IMMP2L: variants seen among roughly 807,000 people sequenced by gnomAD.
The protein encoded by IMMP2L is inner mitochondrial membrane peptidase subunit 2.
In IMMP2L, 18 loss-of-function variants were observed where a neutral mutation model predicts 19.3. The ratio of observed to expected loss-of-function variants is 0.93; its 90% confidence interval spans 0.64 to 1.38. The LOEUF is 1.38. Ranked by LOEUF, IMMP2L falls within the 40% of genes most tolerant of loss-of-function variation. The pLI, the probability that IMMP2L is intolerant of heterozygous loss-of-function variation, is 0.00. For synonymous variants in IMMP2L, 76 were observed against 73.0 expected, an observed-to-expected ratio of 1.04 and a Z score of -0.21; for missense variants, 233 against 218.2, an observed-to-expected ratio of 1.07 and a Z score of -0.43.
chr7:111,463,170 A>C (rs1840292021), intron 3 of IMMP2L, among the ~76,000 whole-genome samples: 1 of 150,552 alleles, frequency 6.6e-6, no homozygotes, highest in Non-Finnish European at 1.5e-5. Flanking sequence ...TCTTCACATC[A>C]TCTTCCGTGT....
intron 3 of IMMP2L, among the ~76,000 whole-genome samples, chr7:111,076,438 TG>T (rs1298130609): frequency 6.6e-6 from 1 of 152,048 alleles, no homozygotes; most frequent in Admixed American, 6.5e-5. Flanking sequence ...GGGGATTTTT[TG>T]TTTTTTGGCC....
At chr7:110,963,041 C>T in intron 4 of IMMP2L, 7 of 1,526,270 alleles carry the variant, frequency 4.6e-6, no homozygotes, top group Non-Finnish European at 6.1e-6. Context: ...TCATTCTTGT[C>T]ACTGATTCGG....
chr7:110,999,386 G>A (rs2129560957), intron 3 of IMMP2L, among the ~76,000 whole-genome samples: 1 of 135,302 alleles, frequency 7.4e-6, no homozygotes. Context: ...ATGCTTTATA[G>A]CTTTTCTCCC....
chr7:111,387,898 A>C (rs1831929494), intron 3 of IMMP2L, among the ~76,000 whole-genome samples: 1 of 149,368 alleles, frequency 6.7e-6, no homozygotes, highest in African/African-American at 2.5e-5. Flanking sequence ...ATCACCTGAA[A>C]CCAGGAGGCA....
intron 3 of IMMP2L, among the ~76,000 whole-genome samples, chr7:111,316,673 C>A (rs1824116324): frequency 6.6e-6 from 1 of 151,640 alleles, no homozygotes; most frequent in Non-Finnish European, 1.5e-5. Flanking sequence ...AAGTAATATG[C>A]AAGGACATCC....
At position 110,843,651 on chromosome 7, in the gene IMMP2L, A is replaced by G. The variant is rs536242089; in HGVS notation, c.408+42942T>C. On this transcript the variant is annotated intron_variant, in intron 5 of 5. Coordinates refer to ENST00000405709, the MANE Select transcript of IMMP2L (RefSeq NM_032549.4). ...AACAGGATGGACATTAAGCAGAGAT[A>G]ACACAGATAAATGTAAATTACACAT... is the stretch of plus-strand genomic sequence containing the variant. Among the ~76,000 whole-genome samples, 329 of 151,262 alleles carry G rather than the reference A, an allele frequency of 2.2e-3. 2 individuals carry two copies. The highest frequency in any genetic ancestry group is 7.8e-3 in the African/African-American group (318 of 40,576).
chr7:110,760,316 T>A lies in IMMP2L; in HGVS notation c.409-96595A>T, dbSNP rs1341311022. 2.0e-5 allele frequency among the ~76,000 whole-genome samples: 3 copies of A among 152,130 alleles called. No homozygotes were observed. Among genetic ancestry groups the A allele is most frequent in the Non-Finnish European group, 2.9e-5 (2 of 68,022 alleles). On this transcript the variant is annotated intron_variant, in intron 5 of 5. Transcript: ENST00000405709. The surrounding 1 kb of genome is among the most constrained non-coding windows in gnomAD (Gnocchi z 4.2). ...ACATTAAGTTTAAATTGGAAACTTC[T>A]TTTTCTAATAGAGATAATCTGTATA...
At chr7:111,392,712 A>G (rs567879785) in intron 3 of IMMP2L, 1 of 455,662 alleles carries the variant, frequency 2.2e-6, no homozygotes, top group Non-Finnish European at 4.4e-6. Flanking sequence ...CAACTTGGCT[A>G]TAAAGTCTGA....
rs998299659 is a variant in IMMP2L, at chr7:110,727,744, C to T, written c.409-64023G>A. Reference sequence around the variant, plus strand: ...ATCCGTATTCTTACCTCCGAAGCTACTGTAGAGAGTATTATTATCTAAGAG... The same window carrying T: ...ATCCGTATTCTTACCTCCGAAGCTATTGTAGAGAGTATTATTATCTAAGAG... On this transcript the variant is annotated intron_variant, in intron 5 of 5. Coordinates refer to ENST00000405709, the MANE Select transcript of IMMP2L (RefSeq NM_032549.4). The surrounding 1 kb of genome is among the most constrained non-coding windows in gnomAD (Gnocchi z 4.3). Among the ~76,000 whole-genome samples the T allele has an allele frequency of 6.6e-6, 1 of 152,164 alleles. No homozygotes were observed. Among genetic ancestry groups the T allele is most frequent in the Non-Finnish European group, 1.5e-5 (1 of 68,018 alleles).
At chr7:111,558,826 T>C (rs1791681257) in intron 1 of IMMP2L, among the ~76,000 whole-genome samples, 1 of 152,200 alleles carries the variant, frequency 6.6e-6, no homozygotes, top group Admixed American at 6.5e-5. Flanking sequence ...TAAATGCTAT[T>C]TATTCCTATA....
chr7:110,799,950 A>T (rs1199269139), intron 5 of IMMP2L, among the ~76,000 whole-genome samples: 5 of 152,074 alleles, frequency 3.3e-5, no homozygotes, highest in Admixed American at 2.0e-4. Context: ...TCTGAAATTC[A>T]TTTCCATAAA....
chr7:111,485,366 GA>G (rs1283792842), intron 3 of IMMP2L, among the ~76,000 whole-genome samples: 1 of 151,934 alleles, frequency 6.6e-6, no homozygotes, highest in African/African-American at 2.4e-5. Flanking sequence ...TTGGGAGGCC[GA>G]GGTGGATAGA....
chr7:111,347,061 G>A (rs1211792791), intron 3 of IMMP2L, among the ~76,000 whole-genome samples: 1 of 152,078 alleles, frequency 6.6e-6, no homozygotes, highest in Admixed American at 6.6e-5. Context: ...AAAGAAGAGA[G>A]GTGGGAAAAG....
At chr7:111,503,913 G>C (rs952145185) in intron 2 of IMMP2L, among the ~76,000 whole-genome samples, 10 of 152,180 alleles carry the variant, frequency 6.6e-5, no homozygotes, top group South Asian at 4.1e-4. Context: ...ACTGGCACAA[G>C]ACAGGGATGC....
At position 111,485,597 on chromosome 7, in the gene IMMP2L, C is replaced by CAAAAAAAAAAAAA. The variant is rs71147477; in HGVS notation, c.239+1628_239+1640dup. ...TGCGCAACAGAGCGAGACTCTGTTT[C>CAAAAAAAAAAAAA]AAAAAAAAAAAAAAAAAAAAAAAAA... On this transcript the variant is annotated intron_variant, in intron 3 of 5. Coordinates refer to ENST00000405709, the MANE Select transcript of IMMP2L (RefSeq NM_032549.4). Among the ~76,000 whole-genome samples the CAAAAAAAAAAAAA allele has an allele frequency of 4.2e-4, 21 of 50,592 alleles. 3 individuals are homozygous for CAAAAAAAAAAAAA. Among genetic ancestry groups the CAAAAAAAAAAAAA allele is most frequent in the African/African-American group, 1.6e-3 (19 of 11,686 alleles). The allele number at this position is 50,592 out of a possible 152,430, so 33.2% of individuals were successfully genotyped here.
chr7:111,170,112 T>C (rs2129608815), intron 3 of IMMP2L, among the ~76,000 whole-genome samples: 1 of 152,030 alleles, frequency 6.6e-6, no homozygotes, highest in Admixed American at 6.6e-5. Context: ...GCTGAAACTA[T>C]GTCAGTATAT....
intron 3 of IMMP2L, among the ~76,000 whole-genome samples, chr7:111,344,621 T>C (rs1482635378): frequency 6.6e-6 from 1 of 152,168 alleles, no homozygotes; most frequent in East Asian, 1.9e-4. Context: ...GCAGACTATT[T>C]TGATGTGAAC....
intron 3 of IMMP2L, among the ~76,000 whole-genome samples, chr7:111,101,575 GAATT>G (rs1162208186): frequency 2.0e-5 from 3 of 151,170 alleles, no homozygotes; most frequent in African/African-American, 7.3e-5. Flanking sequence ...ACAATCGTTC[GAATT>G]AATACAGAAT....
At chr7:110,787,406 G>C (rs554917292) in intron 5 of IMMP2L, among the ~76,000 whole-genome samples, 1 of 152,072 alleles carries the variant, frequency 6.6e-6, no homozygotes, top group Non-Finnish European at 1.5e-5. Flanking sequence ...GTTGAGGGTA[G>C]AGGAGGGCTT....
Sources: allele counts gnomAD v4.1 joint callset (sites outside exome capture counted in the v4.1 genomes callset), GRCh38; gene constraint gnomAD v4.1.1; non-coding constraint Gnocchi (gnomAD v3.1); transcripts MANE v1.5; gene names NCBI Gene and HGNC (gene_info 2026-07-23, HGNC 2026-07-21).